SPECC1L: variants seen among roughly 807,000 people sequenced by gnomAD.
SPECC1L encodes sperm antigen with calponin homology and coiled-coil domains 1 like.
In SPECC1L, 40 loss-of-function variants were observed where a neutral mutation model predicts 116.8. The observed-to-expected ratio is 0.34, with a 90% CI of 0.27 to 0.45. SPECC1L has a LOEUF of 0.45. Ranked by LOEUF, SPECC1L falls within the 20% of genes least tolerant of loss-of-function variation. The probability of loss-of-function intolerance (pLI) is 1.00; values close to 1 mark genes in which losing one functional copy is unlikely to be tolerated. For synonymous variants in SPECC1L, 504 were observed against 500.6 expected, an observed-to-expected ratio of 1.01 and a Z score of -0.09; for missense variants, 1,110 against 1,373.6, an observed-to-expected ratio of 0.81 and a Z score of 3.03.
intron 2 of SPECC1L, among the ~76,000 whole-genome samples, chr22:24,279,019 A>G (rs539108309): frequency 6.6e-5 from 10 of 152,318 alleles, no homozygotes; most frequent in Admixed American, 5.2e-4. Context: ...TGAGGGAGGT[A>G]TATGTATATG....
intron 5 of SPECC1L, 188 bp downstream of exon 5, chr22:24,323,106 T>C: frequency 1.0e-6 from 1 of 982,414 alleles, no homozygotes; most frequent in East Asian, 1.1e-4. Flanking sequence ...TAAGATAATG[T>C]CACTTTCTCT....
chr22:24,396,113 T>G (rs145552804), intron 14 of SPECC1L, among the ~76,000 whole-genome samples: 64 of 152,332 alleles, frequency 4.2e-4, no homozygotes, highest in African/African-American at 1.4e-3. Context: ...CGGATGCATC[T>G]TTGCAATGCT....
intron 14 of SPECC1L, among the ~76,000 whole-genome samples, chr22:24,410,704 T>C (rs2042679655): frequency 6.6e-6 from 1 of 152,184 alleles, no homozygotes; most frequent in Admixed American, 6.5e-5. Context: ...GGACCAATGC[T>C]CAGGGGGCCA....
chr22:24,392,637 G>A (rs2042293782), intron 14 of SPECC1L, among the ~76,000 whole-genome samples: 1 of 152,144 alleles, frequency 6.6e-6, no homozygotes, highest in African/African-American at 2.4e-5. Flanking sequence ...ACAACATAGG[G>A]CGGGAGAGAG....
chr22:24,398,083 T>A (rs368512344), intron 14 of SPECC1L, among the ~76,000 whole-genome samples: 1 of 152,132 alleles, frequency 6.6e-6, no homozygotes, highest in Non-Finnish European at 1.5e-5. Context: ...AATTTGGGGG[T>A]ACTGGCTAGA....
In SPECC1L at chr22:24,374,740, C is replaced by G. The variant is rs371396939; in HGVS notation, c.3087+5420C>G. The stretch of plus-strand genomic sequence containing the variant: ...GTATACATATGTAACTAACCTGCAC[C>G]TTGTGCACATGTACCCTAAAACTTA... On this transcript the variant is annotated intron_variant, in intron 14 of 16. Coordinates refer to ENST00000314328, the MANE Select transcript of SPECC1L (RefSeq NM_015330.6). 4.2e-3 allele frequency among the ~76,000 whole-genome samples: 629 copies of G among 150,984 alleles called. 17 individuals are homozygous for G. In the South Asian group the frequency reaches 0.091, roughly 22 times the overall value.
rs959899115 is a variant in SPECC1L, at chr22:24,416,548, A to G, written c.*1925A>G. The G allele has an allele frequency of 5.3e-5, 8 of 152,076 alleles. No individual in the cohort carries two copies. The highest frequency in any genetic ancestry group is 4.6e-4 in the Admixed American group (7 of 15,268). 9.4% of individuals were successfully genotyped at this position (152,076 alleles called of 1,614,324 possible). A position where few individuals can be genotyped will look rare whatever the true frequency, so the allele number is the denominator to read the frequency against. ...GTCCTCAGTTCCCACTTTTGCTCTCATTTGCCTTCACAGAGGCCACTCCAC... is the reference window on the plus strand; with the variant it reads ...GTCCTCAGTTCCCACTTTTGCTCTCGTTTGCCTTCACAGAGGCCACTCCAC... On this transcript the variant is annotated 3_prime_UTR_variant, in exon 17 of 17. Transcript: ENST00000314328.
At chr22:24,338,858 C>G (rs2041116030) in intron 10 of SPECC1L, among the ~76,000 whole-genome samples, 1 of 152,134 alleles carries the variant, frequency 6.6e-6, no homozygotes, top group Admixed American at 6.5e-5. Context: ...TGCCGAGGTT[C>G]ATGCAATTAA....
At chr22:24,285,148 G>T (rs1365061873) in intron 2 of SPECC1L, among the ~76,000 whole-genome samples, 1 of 152,212 alleles carries the variant, frequency 6.6e-6, no homozygotes, top group Non-Finnish European at 1.5e-5. Context: ...CTCTGCTTAA[G>T]TCGGAGTGGA....
At chr22:24,381,889 A>G (rs2042069449) in intron 14 of SPECC1L, among the ~76,000 whole-genome samples, 1 of 152,342 alleles carries the variant, frequency 6.6e-6, no homozygotes, top group African/African-American at 2.4e-5. Flanking sequence ...GTCTCAAAAC[A>G]AAACAAAACA....
chr22:24,322,038 A>T lies in SPECC1L; in HGVS notation c.1058A>T (p.Tyr353Phe). Residue 353 changes from tyrosine (Y) to phenylalanine (F), a missense_variant, in exon 5 of 17, where the codon TAC (tyrosine) becomes TTC (phenylalanine). By Grantham distance (22) the Tyr-to-Phe change is conservative. Coordinates refer to ENST00000314328, the MANE Select transcript of SPECC1L (RefSeq NM_015330.6). Reference sequence around the variant, plus strand: ...TTAGACAGTGAGTGCAGTGAGGTCTACCAGCCCCTCACATCGAGCGATGAT... The same window carrying T: ...TTAGACAGTGAGTGCAGTGAGGTCTTCCAGCCCCTCACATCGAGCGATGAT... The part of the protein sequence containing the change: ...DNLDSECSEV[Y>F]QPLTSSDDAL... 1 of 1,614,190 alleles carries T rather than the reference A, an allele frequency of 6.2e-7. No homozygotes were observed. Among genetic ancestry groups the T allele is most frequent in the Non-Finnish European group, 8.5e-7 (1 of 1,180,020 alleles).
intron 14 of SPECC1L, among the ~76,000 whole-genome samples, chr22:24,393,250 A>T (rs1352446668): frequency 6.6e-6 from 1 of 152,236 alleles, no homozygotes; most frequent in Non-Finnish European, 1.5e-5. Context: ...GAAGCTAATA[A>T]TGTGACAGTG....
intron 2 of SPECC1L, among the ~76,000 whole-genome samples, chr22:24,282,554 A>G (rs920075649): frequency 2.6e-5 from 4 of 152,286 alleles, no homozygotes; most frequent in Non-Finnish European, 5.9e-5. Context: ...TTTTGATCCT[A>G]TGGGGAAAAT....
intron 2 of SPECC1L, among the ~76,000 whole-genome samples, chr22:24,286,428 C>T (rs981100073): frequency 1.3e-5 from 2 of 152,182 alleles, no homozygotes; most frequent in Non-Finnish European, 2.9e-5. Flanking sequence ...ACTTGCAATA[C>T]ATTGCTCCTG....
chr22:24,368,224 A>G (rs1230648411), intron 13 of SPECC1L, among the ~76,000 whole-genome samples: 4 of 152,194 alleles, frequency 2.6e-5, no homozygotes, highest in African/African-American at 4.8e-5. Flanking sequence ...CCAAACTTCT[A>G]CAGTGGTTTT....
chr22:24,376,001 C>T (rs1569441254), intron 14 of SPECC1L, among the ~76,000 whole-genome samples: 1 of 151,976 alleles, frequency 6.6e-6, no homozygotes, highest in African/African-American at 2.4e-5. Flanking sequence ...ACAGTTTTAA[C>T]ATTATACTTA....
chr22:24,324,178 A>G (rs1451302948), intron 5 of SPECC1L, 42 bp from the exon 6 acceptor site: 2 of 1,550,290 alleles, frequency 1.3e-6, no homozygotes, highest in Non-Finnish European at 8.9e-7. Context: ...ACCTTAGAAC[A>G]ACTCTTAACT....
chr22:24,396,874 G>A (rs935249145), intron 14 of SPECC1L, among the ~76,000 whole-genome samples: 52 of 152,064 alleles, frequency 3.4e-4, no homozygotes, highest in African/African-American at 1.1e-3. Context: ...TAACCAACTC[G>A]TATGTAAAAC....
intron 2 of SPECC1L, among the ~76,000 whole-genome samples, chr22:24,296,825 C>G (rs1437875665): frequency 6.6e-6 from 1 of 152,108 alleles, no homozygotes; most frequent in Non-Finnish European, 1.5e-5. Context: ...GTGATTGTCT[C>G]AGTGGTTGGT....
Sources: gnomAD v4.1 joint callset for allele counts (sites outside exome capture counted in the v4.1 genomes callset) on GRCh38, gnomAD v4.1.1 for gene constraint, MANE v1.5 for transcripts, NCBI Gene and HGNC (gene_info 2026-07-23, HGNC 2026-07-21) for gene names.